The following APBA1 variants were observed in gnomAD, a reference collection of about 807,000 sequenced individuals.
The protein encoded by APBA1 is amyloid-beta A4 precursor protein-binding family A member 1.
In APBA1, 55 loss-of-function variants were observed where a neutral mutation model predicts 86.6. That is an observed-to-expected ratio of 0.64 (90% CI 0.51 to 0.80). APBA1 has a LOEUF of 0.80. Among genes scored for constraint, APBA1 ranks in the 30% least tolerant of loss-of-function variants. The pLI is 0.00. For synonymous variants in APBA1, 511 were observed against 493.9 expected (o/e 1.03, Z -0.46); for missense variants, 1,090 against 1,183.0 (o/e 0.92, Z 1.15).
chr9:69,445,985 A>C (rs1044607793), intron 10 of APBA1, among the ~76,000 whole-genome samples: 3 of 152,198 alleles, frequency 2.0e-5, no homozygotes, highest in Admixed American at 6.5e-5. Context: ...CAGTTTGAGA[A>C]GCACTGATTC....
chr9:69,481,809 T>C (rs1016310418), intron 2 of APBA1, among the ~76,000 whole-genome samples: 8 of 151,638 alleles, frequency 5.3e-5, no homozygotes, highest in African/African-American at 1.7e-4. Flanking sequence ...CCCTCAGAAA[T>C]AACGCCGCAT....
intron 1 of APBA1, among the ~76,000 whole-genome samples, chr9:69,620,446 C>T (rs144485657): frequency 3.0e-4 from 46 of 152,066 alleles, no homozygotes; most frequent in African/African-American, 1.1e-3. Context: ...TTTGGGAGGC[C>T]GAGGCAGGCA....
intron 1 of APBA1, among the ~76,000 whole-genome samples, chr9:69,652,419 C>T (rs1823524555): frequency 6.6e-6 from 1 of 152,160 alleles, no homozygotes; most frequent in African/African-American, 2.4e-5. Flanking sequence ...GGCATGTCTA[C>T]TGCCAACCAA....
chr9:69,567,048 C>T (rs570332827), intron 1 of APBA1, among the ~76,000 whole-genome samples: 1 of 152,300 alleles, frequency 6.6e-6, no homozygotes, highest in South Asian at 2.1e-4. Context: ...ATGGTCTATA[C>T]ACTTCAGTAC....
rs1257205356 is a variant in APBA1, at chr9:69,430,057, C to A, written c.*1270G>T. 1 of 152,194 alleles carries A rather than the reference C, an allele frequency of 6.6e-6. No individual in the cohort carries two copies. Among genetic ancestry groups the A allele is most frequent in the Non-Finnish European group, 1.5e-5 (1 of 68,060 alleles). 9.4% of individuals were successfully genotyped at this position (152,194 alleles called of 1,614,324 possible). A position where few individuals can be genotyped will look rare whatever the true frequency, so the allele number is the denominator to read the frequency against. ...CCAGCCAAAAATGCTCTCAGGCCCA[C>A]AAGGCAGCAAGAGGGTGTTTATGGA... On this transcript the variant is annotated 3_prime_UTR_variant, in exon 13 of 13. Transcript: ENST00000265381.
rs1462040525 is a variant in APBA1, at chr9:69,428,641, A to T, written c.*2686T>A. 6.6e-6 allele frequency: 1 copy of T among 152,168 alleles called. No individual in the cohort carries two copies. The highest frequency in any genetic ancestry group is 2.4e-5 in the African/African-American group (1 of 41,448). 9.4% of individuals were successfully genotyped at this position (152,168 alleles called of 1,614,324 possible). A position where few individuals can be genotyped will look rare whatever the true frequency, so the allele number is the denominator to read the frequency against. On this transcript the variant is annotated 3_prime_UTR_variant, in exon 13 of 13. Coordinates refer to ENST00000265381, the MANE Select transcript of APBA1 (RefSeq NM_001163.4). The stretch of plus-strand genomic sequence containing the variant: ...CCTTCCCATTACATGGGGTATTTAG[A>T]TATTTACATGTATAACTATATATAC...
intron 1 of APBA1, among the ~76,000 whole-genome samples, chr9:69,540,506 T>C (rs147636162): frequency 0.014 from 2,100 of 152,278 alleles, 53 homozygotes; most frequent in African/African-American, 0.048. Flanking sequence ...CAAAACTTTA[T>C]ACCTGTTGAA....
intron 1 of APBA1, among the ~76,000 whole-genome samples, chr9:69,570,307 C>T (rs1365356896): frequency 6.6e-6 from 1 of 152,164 alleles, no homozygotes; most frequent in Non-Finnish European, 1.5e-5. Flanking sequence ...AAAAGAATGA[C>T]AGTGTGATTG....
intron 1 of APBA1, among the ~76,000 whole-genome samples, chr9:69,616,090 C>T (rs182230906): frequency 6.6e-6 from 1 of 152,314 alleles, no homozygotes; most frequent in East Asian, 1.9e-4. Flanking sequence ...GTAGCTTCCC[C>T]TGGTAACTTA....
intron 1 of APBA1, among the ~76,000 whole-genome samples, chr9:69,529,090 T>C (rs536240773): frequency 6.6e-6 from 1 of 152,238 alleles, no homozygotes; most frequent in Non-Finnish European, 1.5e-5. Flanking sequence ...TCAGCTGCAA[T>C]CCTAATTATG....
intron 11 of APBA1, among the ~76,000 whole-genome samples, chr9:69,436,567 TTGGC>T (rs1834724909): frequency 1.0e-5 from 1 of 95,862 alleles, no homozygotes; most frequent in Non-Finnish European, 2.1e-5. Flanking sequence ...CACTCATGAT[TTGGC>T]TCTCTGTTTG....
intron 9 of APBA1, 89 bp downstream of exon 9, chr9:69,452,033 C>T: frequency 8.0e-7 from 1 of 1,252,540 alleles, no homozygotes; most frequent in Non-Finnish European, 1.1e-6. Context: ...CACCATTGAT[C>T]TCCCTTCACT....
intron 5 of APBA1, chr9:69,465,342 C>T (rs1588300354): frequency 6.6e-6 from 1 of 152,158 alleles, no homozygotes; most frequent in Non-Finnish European, 1.5e-5. Context: ...ACCTGGAAGC[C>T]CAGGTGGCAT....
At chr9:69,590,410 A>T (rs1325577327) in intron 1 of APBA1, among the ~76,000 whole-genome samples, 4 of 152,174 alleles carry the variant, frequency 2.6e-5, no homozygotes, top group Non-Finnish European at 5.9e-5. Flanking sequence ...TATGTGCTGC[A>T]GGGTAAGCTC....
At chr9:69,446,096 A>C (rs1834902498) in intron 10 of APBA1, among the ~76,000 whole-genome samples, 1 of 152,226 alleles carries the variant, frequency 6.6e-6, no homozygotes, top group South Asian at 2.1e-4. Flanking sequence ...GCTGCTCTGC[A>C]GTGGCCCGAG....
At chr9:69,506,538 T>G (rs1027793844) in intron 2 of APBA1, among the ~76,000 whole-genome samples, 13 of 41,804 alleles carry the variant, frequency 3.1e-4, no homozygotes, top group Admixed American at 1.0e-3. Context: ...CAAAGCAGCC[T>G]GGAAGCTCGA....
chr9:69,644,463 A>G (rs1366028676), intron 1 of APBA1, among the ~76,000 whole-genome samples: 3 of 152,150 alleles, frequency 2.0e-5, no homozygotes, highest in Non-Finnish European at 4.4e-5. Flanking sequence ...TTAGTTCTCA[A>G]TAAGTGATTT....
chr9:69,506,105 C>T (rs557044585), intron 2 of APBA1, among the ~76,000 whole-genome samples: 6 of 151,890 alleles, frequency 4.0e-5, no homozygotes, highest in East Asian at 3.9e-4. Context: ...CAGCTCCCAG[C>T]GAGAGCGACA....
At chr9:69,506,304 G>C (rs1054242352) in intron 2 of APBA1, among the ~76,000 whole-genome samples, 39 of 150,298 alleles carry the variant, frequency 2.6e-4, no homozygotes, top group Admixed American at 9.9e-4. Flanking sequence ...AGAAAGGGGT[G>C]ACGGACACAC....
Sources: gnomAD v4.1 joint callset for allele counts (sites outside exome capture counted in the v4.1 genomes callset) on GRCh38, gnomAD v4.1.1 for gene constraint, MANE v1.5 for transcripts, NCBI Gene and HGNC (gene_info 2026-07-23, HGNC 2026-07-21) for gene names.